Variants in CCDC149 observed in about 807,000 individuals in gnomAD.
The protein encoded by CCDC149 is coiled-coil domain containing 149.
A neutral mutation model predicts 59.9 loss-of-function variants in CCDC149; 45 were observed. The observed-to-expected ratio is 0.75, with a 90% CI of 0.59 to 0.96. CCDC149 has a LOEUF of 0.96. CCDC149 is among the 40% of genes least tolerant of loss of function. The pLI is 0.00. For synonymous variants in CCDC149, 245 were observed against 260.6 expected (o/e 0.94, Z 0.58); for missense variants, 584 against 664.7 (o/e 0.88, Z 1.33).
chr4:24,925,128 G>T (rs1722401265), intron 1 of CCDC149, among the ~76,000 whole-genome samples: 1 of 152,114 alleles, frequency 6.6e-6, no homozygotes, highest in Non-Finnish European at 1.5e-5. Flanking sequence ...TTAGTTCTCT[G>T]TCCCTTATGC....
rs148189390 is a variant in CCDC149, at chr4:24,937,733, T to C, written c.-65+42336A>G. ...TTGTAAGTGATGTGCATCACTTCTA[T>C]TCACACCTATTGGCCAGAGTTAGCC... On this transcript the variant is annotated intron_variant, in intron 1 of 12. Transcript: ENST00000389609. Among the ~76,000 whole-genome samples the C allele has an allele frequency of 4.4e-3, 671 of 152,306 alleles. 9 individuals are homozygous for C. Among genetic ancestry groups the C allele is most frequent in the African/African-American group, 0.015 (632 of 41,574 alleles).
Position 24,912,882 on chromosome 4 carries a change from G to T in CCDC149, c.-3C>A. The T allele has an allele frequency of 7.4e-6, 10 of 1,356,180 alleles. No individual in the cohort carries two copies. Among genetic ancestry groups the T allele is most frequent in the Non-Finnish European group, 9.6e-6 (10 of 1,038,588 alleles). The allele number at this position is 1,356,180 out of a possible 1,614,324, so 84.0% of individuals were successfully genotyped here. A position where few individuals can be genotyped will look rare whatever the true frequency, so the allele number is the denominator to read the frequency against. On this transcript the variant is annotated 5_prime_UTR_variant, in exon 1 of 13. Transcript: ENST00000635206. ...CCGTTCATGGCCTCCTCCTCCATGC[G>T]CTGGCCGGCCTCCTGGACCCCCGCC...
intron 1 of CCDC149, among the ~76,000 whole-genome samples, chr4:24,970,660 GC>G (rs1028915616): frequency 6.6e-6 from 1 of 152,094 alleles, no homozygotes; most frequent in African/African-American, 2.4e-5. Flanking sequence ...TGGATTTTGT[GC>G]CCCCTGGCAG....
intron 1 of CCDC149, among the ~76,000 whole-genome samples, chr4:24,957,983 G>C (rs1723516265): frequency 1.3e-5 from 2 of 152,156 alleles, no homozygotes; most frequent in Non-Finnish European, 2.9e-5. Context: ...TGGTGCAAAA[G>C]AGACATTAAA....
At chr4:24,814,495 A>G (rs1226779816) in intron 12 of CCDC149, among the ~76,000 whole-genome samples, 3 of 152,166 alleles carry the variant, frequency 2.0e-5, no homozygotes, top group Non-Finnish European at 4.4e-5. Context: ...CCGTCCCTAA[A>G]GCTTCGCTAC....
chr4:24,937,431 A>G (rs1722815322), intron 1 of CCDC149, among the ~76,000 whole-genome samples: 1 of 152,246 alleles, frequency 6.6e-6, no homozygotes, highest in African/African-American at 2.4e-5. Flanking sequence ...CTATGCTGCA[A>G]TAGCATATTA....
chr4:24,928,935 G>A (rs746937058), intron 1 of CCDC149, among the ~76,000 whole-genome samples: 1 of 152,178 alleles, frequency 6.6e-6, no homozygotes, highest in Non-Finnish European at 1.5e-5. Flanking sequence ...CAACTGAAAT[G>A]ATCTTGCATT....
intron 1 of CCDC149, among the ~76,000 whole-genome samples, chr4:24,974,321 G>A (rs894680525): frequency 6.6e-6 from 1 of 152,134 alleles, no homozygotes; most frequent in Non-Finnish European, 1.5e-5. Flanking sequence ...ACCCTAGAGG[G>A]GTGAAATCCC....
upstream of CCDC149, among the ~76,000 whole-genome samples, chr4:24,913,189 C>A (rs1303910957): frequency 1.3e-5 from 2 of 152,054 alleles, no homozygotes; most frequent in Non-Finnish European, 2.9e-5. Context: ...CAAGGGGAAG[C>A]CAGGGTCTCA....
intron 1 of CCDC149, among the ~76,000 whole-genome samples, chr4:24,887,640 C>A (rs1327345357): frequency 6.6e-6 from 1 of 152,058 alleles, no homozygotes; most frequent in African/African-American, 2.4e-5. Flanking sequence ...CAATCAACCT[C>A]CCTTCCCCGC....
rs1297245848 is a variant in CCDC149 at position 24,837,073 on chromosome 4, C to T, written c.662+155G>A. On this transcript the variant is annotated intron_variant, in intron 6 of 12. Transcript: ENST00000635206. This position sits in a 1 kb window ranked among gnomAD's most constrained non-coding sequence, Gnocchi z 4.3. ...TCCTTTTTCACTTTTGCAACTAATA[C>T]ATGGCATTGATGTCATCATTTCGGG... Among the ~76,000 whole-genome samples, 1 of 152,186 alleles carries T rather than the reference C, an allele frequency of 6.6e-6. No homozygotes were observed. The highest frequency in any genetic ancestry group is 1.5e-5 in the Non-Finnish European group (1 of 68,038).
At chr4:24,826,007 G>A (rs1715716595) in intron 9 of CCDC149, among the ~76,000 whole-genome samples, 1 of 152,072 alleles carries the variant, frequency 6.6e-6, no homozygotes, top group South Asian at 2.1e-4. Flanking sequence ...TCAGGCTGGA[G>A]TGCAGTGGCA....
intron 1 of CCDC149, among the ~76,000 whole-genome samples, chr4:24,951,038 C>T (rs894250551): frequency 2.6e-5 from 4 of 152,190 alleles, no homozygotes; most frequent in Non-Finnish European, 5.9e-5. Context: ...CAGGTGTTGT[C>T]AAGCTGGGGG....
chr4:24,837,447 A>T lies in CCDC149; in HGVS notation c.490-47T>A. ...TTACTCAAGATGTTCCTCAGGCTCC[A>T]GCTTTATGGCCAGAGATGGAGCCTC... On this transcript the variant is annotated intron_variant, in intron 5 of 12. Transcript: ENST00000635206. The surrounding 1 kb of genome is among the most constrained non-coding windows in gnomAD (Gnocchi z 4.3). The T allele has an allele frequency of 6.3e-7, 1 of 1,593,816 alleles. No individual in the cohort carries two copies. The highest frequency in any genetic ancestry group is 8.6e-7 in the Non-Finnish European group (1 of 1,165,518).
At chr4:24,844,056 C>G (rs1326746744) in intron 4 of CCDC149, among the ~76,000 whole-genome samples, 2 of 152,140 alleles carry the variant, frequency 1.3e-5, no homozygotes, top group African/African-American at 2.4e-5. Context: ...CAAATCTCCC[C>G]TCTCTGAGAA....
chr4:24,958,302 C>T (rs1036568657), intron 1 of CCDC149, among the ~76,000 whole-genome samples: 15 of 152,174 alleles, frequency 9.9e-5, no homozygotes, highest in Admixed American at 2.0e-4. Flanking sequence ...AACGGCAGTG[C>T]TTTATCATGA....
At chr4:24,843,501 T>G (rs1435812038) in intron 4 of CCDC149, among the ~76,000 whole-genome samples, 5 of 152,204 alleles carry the variant, frequency 3.3e-5, no homozygotes, top group African/African-American at 1.2e-4. Flanking sequence ...TCAAAAAAAC[T>G]GGACATGAGA....
Position 24,819,978 on chromosome 4 carries a change from G to C in CCDC149, c.1076-3C>G, listed in dbSNP as rs1560200892. On this transcript the variant is annotated splice_region_variant and splice_polypyrimidine_tract_variant and intron_variant, in intron 11 of 12. Coordinates refer to ENST00000635206, the MANE Select transcript of CCDC149 (RefSeq NM_001330643.2). ...GAACAGTATGGTGTCCTTGCCCCCT[G>C]TTGCAGAAAAGAGGAAAATGGATGT... 6.5e-7 allele frequency: 1 copy of C among 1,545,086 alleles called. No homozygotes were observed. Among genetic ancestry groups the C allele is most frequent in the Non-Finnish European group, 8.7e-7 (1 of 1,142,994 alleles).
chr4:24,897,935 A>C (rs866078015), intron 1 of CCDC149, among the ~76,000 whole-genome samples: 33 of 152,254 alleles, frequency 2.2e-4, no homozygotes, highest in African/African-American at 7.7e-4. Flanking sequence ...GATTGACCCC[A>C]GCAGCACTCA....
Sources: gnomAD v4.1 joint callset for allele counts (sites outside exome capture counted in the v4.1 genomes callset) on GRCh38, gnomAD v4.1.1 for gene constraint, Gnocchi (gnomAD v3.1) non-coding constraint, MANE v1.5 for transcripts, NCBI Gene and HGNC (gene_info 2026-07-23, HGNC 2026-07-21) for gene names.